Variants in PKD1L1 observed in about 807,000 individuals in gnomAD.
PKD1L1 encodes the protein polycystin-1-like protein 1.
A neutral mutation model predicts 323.4 loss-of-function variants in PKD1L1; 236 were observed. The ratio of observed to expected loss-of-function variants is 0.73; its 90% CI spans 0.66 to 0.81. PKD1L1 has a LOEUF of 0.81. Among genes scored for constraint, PKD1L1 ranks in the 40% least tolerant of loss-of-function variants. PKD1L1 has a pLI of 0.00. For synonymous variants in PKD1L1, 1,344 were observed against 1,335.0 expected, an observed-to-expected ratio of 1.01 and a Z score of -0.15; for missense variants, 3,320 against 3,508.0, an observed-to-expected ratio of 0.95 and a Z score of 1.35.
intron 21 of PKD1L1, among the ~76,000 whole-genome samples, chr7:47,878,930 T>G (rs965116846): frequency 3.3e-5 from 5 of 152,232 alleles, no homozygotes; most frequent in African/African-American, 9.6e-5. Flanking sequence ...GAGACTCTCA[T>G]GTGTCTCCTG....
chr7:47,880,476 G>T (rs1361065356), intron 21 of PKD1L1, among the ~76,000 whole-genome samples: 1 of 148,848 alleles, frequency 6.7e-6, no homozygotes, highest in African/African-American at 2.5e-5. Context: ...TAGAGATGGG[G>T]TTTCACCGTG....
At chr7:47,850,458 C>G (rs920784179) in intron 31 of PKD1L1, among the ~76,000 whole-genome samples, 4 of 151,744 alleles carry the variant, frequency 2.6e-5, no homozygotes, top group Non-Finnish European at 4.4e-5. Context: ...ATGGTGAAAC[C>G]CTGTCCCTAC....
At chr7:47,850,784 T>C (rs1316310332) in intron 31 of PKD1L1, among the ~76,000 whole-genome samples, 2 of 152,144 alleles carry the variant, frequency 1.3e-5, no homozygotes, top group Non-Finnish European at 2.9e-5. Flanking sequence ...TACTGTAATA[T>C]ATCATGTAAG....
At chr7:47,852,534 G>T (rs13247692) in intron 31 of PKD1L1, among the ~76,000 whole-genome samples, 28,233 of 152,124 alleles carry the variant, frequency 0.19, 3,663 homozygotes, top group African/African-American at 0.36. Flanking sequence ...TGTAAGGCGC[G>T]TGTCTGGTGA....
intron 24 of PKD1L1, among the ~76,000 whole-genome samples, chr7:47,867,215 T>A (rs1786187876): frequency 6.6e-6 from 1 of 152,172 alleles, no homozygotes; most frequent in South Asian, 2.1e-4. Flanking sequence ...TAATTAGAAA[T>A]CATGTTCTAA....
intron 16 of PKD1L1, among the ~76,000 whole-genome samples, chr7:47,888,657 T>C (rs1325022840): frequency 6.6e-6 from 1 of 152,232 alleles, no homozygotes; most frequent in African/African-American, 2.4e-5. Context: ...GAAAGATGTC[T>C]CCACTGCCTC....
At position 47,873,568 on chromosome 7, in the gene PKD1L1, AC is replaced by A. The variant is rs1284359837; in HGVS notation, c.3896+330del. 2.0e-5 allele frequency among the ~76,000 whole-genome samples: 3 copies of A among 148,050 alleles called. No homozygotes were observed. The East Asian group carries it at 6.0e-4, about 30-fold the overall frequency. On this transcript the variant is annotated intron_variant, in intron 24 of 56. Coordinates refer to ENST00000289672, the MANE Select transcript of PKD1L1 (RefSeq NM_138295.5). Reference sequence around the variant, plus strand: ...AGGCTGAGGCAGGAGAATCACTTGAACCCGGGAGGTGGAGGTTGCAAGTGAG... The same window carrying A: ...AGGCTGAGGCAGGAGAATCACTTGAACCGGGAGGTGGAGGTTGCAAGTGAG...
chr7:47,803,365 A>G, intron 52 of PKD1L1, 21 bp from the exon 53 acceptor site: 1 of 1,612,552 alleles, frequency 6.2e-7, no homozygotes, highest in Non-Finnish European at 8.5e-7. Context: ...AGAACATAAC[A>G]GTCAGTGTGC....
chr7:47,844,187 G>C (rs1472190480), intron 33 of PKD1L1, among the ~76,000 whole-genome samples: 23 of 152,194 alleles, frequency 1.5e-4, no homozygotes, highest in Admixed American at 1.5e-3. Context: ...CCTGATCACT[G>C]AATGGCCAGT....
intron 28 of PKD1L1, 83 bp from the exon 29 acceptor site, chr7:47,855,348 G>T: frequency 2.1e-6 from 2 of 944,294 alleles, no homozygotes; most frequent in Non-Finnish European, 3.2e-6. Flanking sequence ...AAGTATCGTG[G>T]TGCTGCTATT....
At chr7:47,957,860 A>ATATATATTATATAT in the PKD1L1 span, among the ~76,000 whole-genome samples, 3 of 124,134 alleles carry the variant, frequency 2.4e-5, no homozygotes, top group East Asian at 2.5e-4. Context: ...CAATTAAAAA[A>ATATATATTATATAT]AAATATATAT....
chr7:47,957,145 A>G, the PKD1L1 span: 57 of 172,310 alleles, frequency 3.3e-4, no homozygotes, highest in East Asian at 9.3e-3. Flanking sequence ...CACCTTCTTC[A>G]TAAAGCTGTA....
intron 7 of PKD1L1, among the ~76,000 whole-genome samples, chr7:47,922,114 G>A (rs995923727): frequency 3.9e-5 from 6 of 152,342 alleles, no homozygotes; most frequent in Admixed American, 2.6e-4. Context: ...GGGTTTTGCC[G>A]TGTTGGCCGG....
chr7:47,921,690 T>TATAA (rs1491104056), intron 7 of PKD1L1, among the ~76,000 whole-genome samples: 2 of 116,578 alleles, frequency 1.7e-5, no homozygotes, highest in South Asian at 4.5e-4. Flanking sequence ...TATATATATA[T>TATAA]AATGAGATAC....
chr7:47,796,227 T>C (rs1311836900), intron 54 of PKD1L1, 77 bp from the exon 55 acceptor site: 2 of 1,260,766 alleles, frequency 1.6e-6, no homozygotes, highest in Non-Finnish European at 2.2e-6. Context: ...TGATAAACTA[T>C]GCAATGGAGA....
intron 36 of PKD1L1, among the ~76,000 whole-genome samples, chr7:47,837,808 A>G (rs934836593): frequency 2.0e-5 from 3 of 152,212 alleles, no homozygotes; most frequent in Non-Finnish European, 4.4e-5. Flanking sequence ...ATATTGTTCT[A>G]GAAAAAACAA....
chr7:47,957,423 A>G, the PKD1L1 span: 32 of 152,368 alleles, frequency 2.1e-4, no homozygotes, highest in African/African-American at 7.7e-4. Context: ...AAGTAGAGAA[A>G]ATCCTAAAGA....
At position 47,821,315 on chromosome 7, in the gene PKD1L1, C is replaced by T. The variant is rs1785136670; in HGVS notation, c.6855-129G>A. ...ACGGAGTCTCACTCTGTCACCCAGG[C>T]TGGAGTGCAGTGGCACAATCTTGGC... is the stretch of plus-strand genomic sequence containing the variant. On this transcript the variant is annotated intron_variant, in intron 45 of 56. Coordinates refer to ENST00000289672, the MANE Select transcript of PKD1L1 (RefSeq NM_138295.5). The T allele has an allele frequency of 6.4e-5, 35 of 547,108 alleles. No individual in the cohort carries two copies. In the South Asian group the frequency reaches 9.1e-4, roughly 14 times the overall value. 33.9% of individuals were successfully genotyped at this position (547,108 alleles called of 1,614,324 possible).
chr7:47,795,366 T>C (rs534113698), intron 55 of PKD1L1: 10 of 455,682 alleles, frequency 2.2e-5, no homozygotes, highest in African/African-American at 2.0e-4. Context: ...CTGGATCATT[T>C]TTCTCTTGCC....
Sources: allele counts gnomAD v4.1 joint callset (sites outside exome capture counted in the v4.1 genomes callset), GRCh38; gene constraint gnomAD v4.1.1; transcripts MANE v1.5; gene names NCBI Gene and HGNC (gene_info 2026-07-23, HGNC 2026-07-21).